ADAMTS6: variants seen among roughly 807,000 people sequenced by gnomAD.
The protein encoded by ADAMTS6 is A disintegrin and metalloproteinase with thrombospondin motifs 6.
Under a neutral mutation model 144.3 loss-of-function variants are expected in ADAMTS6, and 23 were observed. The ratio of observed to expected loss-of-function variants is 0.16; its 90% CI spans 0.11 to 0.23. The LOEUF is 0.23. Among genes scored for constraint, ADAMTS6 ranks in the 10% least tolerant of loss-of-function variants. The probability of loss-of-function intolerance (pLI) is 1.00; values close to 1 mark genes in which losing one functional copy is unlikely to be tolerated. For synonymous variants in ADAMTS6, 444 were observed against 457.5 expected, an observed-to-expected ratio of 0.97 and a Z score of 0.38; for missense variants, 999 against 1,379.6, an observed-to-expected ratio of 0.72 and a Z score of 4.37.
At chr5:65,332,568 A>G (rs966480543) in intron 8 of ADAMTS6, among the ~76,000 whole-genome samples, 1 of 152,006 alleles carries the variant, frequency 6.6e-6, no homozygotes, top group African/African-American at 2.4e-5. Flanking sequence ...ATACCAGTTC[A>G]TTTTTATAAA....
chr5:65,285,457 G>A (rs566930533), intron 11 of ADAMTS6, among the ~76,000 whole-genome samples: 3 of 152,022 alleles, frequency 2.0e-5, no homozygotes, highest in Non-Finnish European at 4.4e-5. Flanking sequence ...TACACAAATA[G>A]CCATAAACAA....
chr5:65,313,810 T>C (rs1005745131), intron 9 of ADAMTS6, among the ~76,000 whole-genome samples: 6 of 152,076 alleles, frequency 3.9e-5, no homozygotes, highest in Non-Finnish European at 7.4e-5. Context: ...CCAAATAGTA[T>C]AAAGACTTAA....
chr5:65,448,089 G>T (rs1216746499), intron 7 of ADAMTS6, among the ~76,000 whole-genome samples: 1 of 149,884 alleles, frequency 6.7e-6, no homozygotes, highest in Admixed American at 6.7e-5. Context: ...TAATTATATA[G>T]AACATAGTAT....
At chr5:65,244,869 G>C (rs1478691931) in intron 14 of ADAMTS6, among the ~76,000 whole-genome samples, 1 of 152,036 alleles carries the variant, frequency 6.6e-6, no homozygotes, top group Non-Finnish European at 1.5e-5. Context: ...GAACAATTTG[G>C]GTTCTAGACT....
intron 7 of ADAMTS6, among the ~76,000 whole-genome samples, chr5:65,421,322 T>C (rs1244953823): frequency 3.3e-5 from 5 of 152,216 alleles, no homozygotes; most frequent in African/African-American, 4.8e-5. Context: ...CCTTCATTTA[T>C]GAAACTTAGT....
At chr5:65,381,583 A>G (rs974271658) in intron 7 of ADAMTS6, among the ~76,000 whole-genome samples, 3 of 124,176 alleles carry the variant, frequency 2.4e-5, no homozygotes, top group African/African-American at 9.3e-5. Context: ...ATAGGGTTTC[A>G]CCATCTTGGA....
At chr5:65,315,006 T>C (rs1252771676) in intron 9 of ADAMTS6, among the ~76,000 whole-genome samples, 1 of 152,156 alleles carries the variant, frequency 6.6e-6, no homozygotes, top group South Asian at 2.1e-4. Flanking sequence ...ACAACTATTA[T>C]GTATCTATAA....
At chr5:65,401,109 G>C (rs905436437) in intron 7 of ADAMTS6, among the ~76,000 whole-genome samples, 1 of 151,888 alleles carries the variant, frequency 6.6e-6, no homozygotes, top group Non-Finnish European at 1.5e-5. Flanking sequence ...ATTTTTTCTT[G>C]ACAGCCAGAC....
chr5:65,405,142 T>G (rs113946003), intron 7 of ADAMTS6, among the ~76,000 whole-genome samples: 1,555 of 152,326 alleles, frequency 0.01, 36 homozygotes, highest in African/African-American at 0.035. Context: ...AGAAGCTCTT[T>G]AGTTTAATTA....
chr5:65,299,402 A>G (rs1207810135), intron 10 of ADAMTS6, among the ~76,000 whole-genome samples: 1 of 152,190 alleles, frequency 6.6e-6, no homozygotes, highest in Non-Finnish European at 1.5e-5. Flanking sequence ...GATTTTCTTA[A>G]CATAGTTATA....
intron 14 of ADAMTS6, among the ~76,000 whole-genome samples, chr5:65,252,314 C>CTT (rs57061439): frequency 1.5e-4 from 22 of 149,654 alleles, no homozygotes; most frequent in South Asian, 8.4e-4. Context: ...TGTGACCAAT[C>CTT]TTTTTTTTTT....
At chr5:65,290,276 C>T (rs1356858549) in intron 11 of ADAMTS6, among the ~76,000 whole-genome samples, 3 of 152,086 alleles carry the variant, frequency 2.0e-5, no homozygotes, top group Non-Finnish European at 2.9e-5. Flanking sequence ...TCAGGCCAGG[C>T]GCAGTGGCTC....
chr5:65,328,347 C>T (rs576755705), intron 9 of ADAMTS6, among the ~76,000 whole-genome samples: 25 of 151,936 alleles, frequency 1.6e-4, no homozygotes, highest in East Asian at 5.8e-4. Context: ...CTATCTATGA[C>T]GCCACCAAAA....
rs191235776 is a variant in ADAMTS6, at chr5:65,428,587, G to C, written c.1073+22888C>G. Among the ~76,000 whole-genome samples, 7 of 152,230 alleles carry C rather than the reference G, an allele frequency of 4.6e-5. No individual in the cohort carries two copies. In the East Asian group the frequency reaches 1.2e-3, roughly 25 times the overall value. On this transcript the variant is annotated intron_variant, in intron 7 of 24. Coordinates refer to ENST00000381055, the MANE Select transcript of ADAMTS6 (RefSeq NM_197941.4). ...TACTTAACTGCCAAGCACCAAAATG[G>C]CTCCTCAGTTTACATGCTACACTCA...
chr5:65,290,819 A>G (rs546068745), intron 11 of ADAMTS6, among the ~76,000 whole-genome samples: 6 of 151,964 alleles, frequency 3.9e-5, no homozygotes, highest in African/African-American at 1.4e-4. Flanking sequence ...TTTCATAGCA[A>G]TTTTCCTTGT....
intron 9 of ADAMTS6, among the ~76,000 whole-genome samples, chr5:65,302,105 AAAATAT>A (rs1256041743): frequency 0.093 from 4,638 of 49,624 alleles, 190 homozygotes; most frequent in African/African-American, 0.16. Context: ...AAAAAAAAAA[AAAATAT>A]ATATATATAT....
intron 12 of ADAMTS6, among the ~76,000 whole-genome samples, chr5:65,263,198 A>G (rs1005621275): frequency 6.6e-6 from 1 of 152,188 alleles, no homozygotes; most frequent in Non-Finnish European, 1.5e-5. Flanking sequence ...GTTCTAAAAA[A>G]AAGTCACATT....
chr5:65,256,771 T>C (rs1366418397), intron 14 of ADAMTS6, among the ~76,000 whole-genome samples: 2 of 152,108 alleles, frequency 1.3e-5, no homozygotes, highest in African/African-American at 2.4e-5. Context: ...TATATAATAA[T>C]GGAATGAGTT....
intron 7 of ADAMTS6, among the ~76,000 whole-genome samples, chr5:65,355,848 AG>A (rs1205200688): frequency 6.6e-6 from 1 of 151,878 alleles, no homozygotes; most frequent in Non-Finnish European, 1.5e-5. Context: ...CACACTCTTC[AG>A]GCATAAGATT....
Sources: allele counts gnomAD v4.1 joint callset (sites outside exome capture counted in the v4.1 genomes callset), GRCh38; gene constraint gnomAD v4.1.1; transcripts MANE v1.5; gene names NCBI Gene and HGNC (gene_info 2026-07-23, HGNC 2026-07-21).